Variants in PARD3B observed in about 807,000 individuals in gnomAD.
PARD3B encodes par-3 family cell polarity regulator beta.
A neutral mutation model predicts 130.2 loss-of-function variants in PARD3B; 103 were observed. The ratio of observed to expected loss-of-function variants is 0.79; its 90% CI spans 0.67 to 0.93. The LOEUF is 0.93. Among genes scored for constraint, PARD3B ranks in the 40% least tolerant of loss-of-function variants. PARD3B has a pLI of 0.00. For synonymous variants in PARD3B, 583 were observed against 553.2 expected (o/e 1.05, Z -0.76); for missense variants, 1,609 against 1,499.2 (o/e 1.07, Z -1.21).
At chr2:204,885,588 A>G (rs2046243903) in intron 2 of PARD3B, among the ~76,000 whole-genome samples, 1 of 152,248 alleles carries the variant, frequency 6.6e-6, no homozygotes, top group South Asian at 2.1e-4. Flanking sequence ...TATTTTAAAG[A>G]TAAGAAGATA....
At chr2:205,369,841 T>C (rs920547979) in intron 18 of PARD3B, among the ~76,000 whole-genome samples, 2 of 152,192 alleles carry the variant, frequency 1.3e-5, no homozygotes, top group South Asian at 2.1e-4. Context: ...AAGTAGAATG[T>C]TTTTGTTGAC....
At chr2:205,040,480 A>C (rs1279105810) in intron 3 of PARD3B, among the ~76,000 whole-genome samples, 7 of 152,136 alleles carry the variant, frequency 4.6e-5, no homozygotes, top group Non-Finnish European at 2.9e-5. Flanking sequence ...ATATTTTTTC[A>C]AACTCATTCA....
At chr2:205,150,998 C>T (rs1210220236) in intron 10 of PARD3B, among the ~76,000 whole-genome samples, 2 of 152,154 alleles carry the variant, frequency 1.3e-5, no homozygotes, top group Non-Finnish European at 1.5e-5. Flanking sequence ...TTTAAGTGTT[C>T]TCAACACACA....
chr2:204,793,250 A>G (rs911534438), intron 2 of PARD3B, among the ~76,000 whole-genome samples: 2 of 152,060 alleles, frequency 1.3e-5, no homozygotes, highest in Non-Finnish European at 2.9e-5. Flanking sequence ...TTAGAGGACT[A>G]TTTCCCAGTC....
rs190142238 is a variant in PARD3B at position 205,166,416 on chromosome 2, G to T, written c.1621-5795G>T. Among the ~76,000 whole-genome samples the T allele has an allele frequency of 7.5e-4, 114 of 152,252 alleles. 1 individual carries two copies. The highest frequency in any genetic ancestry group is 6.4e-3 in the Admixed American group (98 of 15,286). On this transcript the variant is annotated intron_variant, in intron 11 of 22. Coordinates refer to ENST00000406610, the MANE Select transcript of PARD3B (RefSeq NM_001302769.2). ...AAAGAATATGGGCAAAGTCACCAAG[G>T]TATGTACACCAAAGTACAGTCTGTT...
chr2:204,624,394 G>C (rs183749772), intron 1 of PARD3B, among the ~76,000 whole-genome samples: 3 of 152,066 alleles, frequency 2.0e-5, no homozygotes, highest in Non-Finnish European at 4.4e-5. Context: ...ACAGGCTACC[G>C]TGCAAAACAG....
At position 205,440,907 on chromosome 2, in the gene PARD3B, A is replaced by C. The variant is rs2047692637; in HGVS notation, c.3044+235A>C. Among the ~76,000 whole-genome samples, 1 of 152,226 alleles carries C rather than the reference A, an allele frequency of 6.6e-6. No homozygotes were observed. The highest frequency in any genetic ancestry group is 2.1e-4 in the South Asian group (1 of 4,832). ...GTAGTAGCAGAGTTCATGATGCAATAGGGAGCCATTTTTGAAGGAGTATTG... is the reference window on the plus strand; with the variant it reads ...GTAGTAGCAGAGTTCATGATGCAATCGGGAGCCATTTTTGAAGGAGTATTG... On this transcript the variant is annotated intron_variant, in intron 20 of 22. Coordinates refer to ENST00000406610, the MANE Select transcript of PARD3B (RefSeq NM_001302769.2). The surrounding 1 kb of genome is among the most constrained non-coding windows in gnomAD (Gnocchi z 4.2).
rs749391637 is a variant in PARD3B, at chr2:205,241,396, G to T, written c.2141-4382G>T. 1.2e-4 allele frequency among the ~76,000 whole-genome samples: 18 copies of T among 152,112 alleles called. No individual in the cohort carries two copies. Among genetic ancestry groups the T allele is most frequent in the Middle Eastern group, 3.4e-3 (1 of 294 alleles). ...TGGTACTCTCTAAGTATGTAATAAT[G>T]GTTATAATAAAATAACAGTTATAAA... On this transcript the variant is annotated intron_variant, in intron 15 of 22. Coordinates refer to ENST00000406610, the MANE Select transcript of PARD3B (RefSeq NM_001302769.2). The surrounding 1 kb of genome is among the most constrained non-coding windows in gnomAD (Gnocchi z 4.2).
rs565262613 is a variant in PARD3B at position 205,459,705 on chromosome 2, T to C, written c.3044+19033T>C. On this transcript the variant is annotated intron_variant, in intron 20 of 22. Transcript: ENST00000406610. ...CATTCCTGAAGGCTGCCTCTTCCCA[T>C]CAGTCTCCCTCTCAGAGACCTGTTG... Among the ~76,000 whole-genome samples, 16 of 152,288 alleles carry C rather than the reference T, an allele frequency of 1.1e-4. No individual in the cohort carries two copies. In the South Asian group the frequency reaches 3.3e-3, roughly 32 times the overall value.
At chr2:205,148,937 A>T (rs1349471105) in intron 10 of PARD3B, among the ~76,000 whole-genome samples, 1 of 152,160 alleles carries the variant, frequency 6.6e-6, no homozygotes, top group African/African-American at 2.4e-5. Context: ...TTCAGCATGG[A>T]TGCTTTCAGG....
At chr2:205,056,208 G>GT (rs529400247) in intron 4 of PARD3B, among the ~76,000 whole-genome samples, 4,583 of 146,234 alleles carry the variant, frequency 0.031, 118 homozygotes, top group African/African-American at 0.064. Context: ...GATAGGGGAC[G>GT]TTTTTTTTTT....
chr2:204,730,573 TA>T (rs780425998), intron 2 of PARD3B, among the ~76,000 whole-genome samples: 27 of 99,254 alleles, frequency 2.7e-4, no homozygotes, highest in Admixed American at 3.0e-4. Flanking sequence ...GATGCAGGGG[TA>T]AAAAAAAAAA....
rs144640287 is a variant in PARD3B, at chr2:204,745,707, C to G, written c.222+59425C>G. Among the ~76,000 whole-genome samples the G allele has an allele frequency of 2.0e-3, 298 of 152,094 alleles. 3 individuals carry two copies. The highest frequency in any genetic ancestry group is 6.9e-3 in the African/African-American group (288 of 41,520). On this transcript the variant is annotated intron_variant, in intron 2 of 22. Transcript: ENST00000406610. ...CATGAGCCACCATGCCTGGCCGATA[C>G]TACCATTTTCATTACACCCAGAAGG...
chr2:204,895,790 G>A (rs2046620306), intron 2 of PARD3B, among the ~76,000 whole-genome samples: 1 of 152,038 alleles, frequency 6.6e-6, no homozygotes, highest in Non-Finnish European at 1.5e-5. Flanking sequence ...TATAGGAACT[G>A]AAAGAGTATG....
chr2:205,532,970 A>T (rs2051669201), intron 21 of PARD3B, among the ~76,000 whole-genome samples: 1 of 152,188 alleles, frequency 6.6e-6, no homozygotes, highest in Admixed American at 6.6e-5. Flanking sequence ...TTTAGCAATC[A>T]GTGTGTGTGT....
At chr2:204,843,139 A>G (rs1024125876) in intron 2 of PARD3B, among the ~76,000 whole-genome samples, 4 of 152,006 alleles carry the variant, frequency 2.6e-5, no homozygotes, top group African/African-American at 7.3e-5. Context: ...ACCTCGGCCC[A>G]TACTTTGAGA....
At chr2:205,094,640 CA>C (rs1702299568) in intron 4 of PARD3B, among the ~76,000 whole-genome samples, 1 of 152,130 alleles carries the variant, frequency 6.6e-6, no homozygotes, top group African/African-American at 2.4e-5. Context: ...TTCTGCAGCA[CA>C]TTTTCATCCT....
intron 2 of PARD3B, among the ~76,000 whole-genome samples, chr2:204,779,016 G>T (rs1226015150): frequency 6.6e-6 from 1 of 152,074 alleles, no homozygotes; most frequent in Non-Finnish European, 1.5e-5. Context: ...TGTACATGGG[G>T]CTCTAGCAGT....
chr2:204,790,690 TC>T, intron 2 of PARD3B, among the ~76,000 whole-genome samples: 3 of 152,346 alleles, frequency 2.0e-5, no homozygotes, highest in Middle Eastern at 6.8e-3. Context: ...AATGAGTTTT[TC>T]CTAAAATCCT....
Sources: gnomAD v4.1 joint callset for allele counts (sites outside exome capture counted in the v4.1 genomes callset) on GRCh38, gnomAD v4.1.1 for gene constraint, Gnocchi (gnomAD v3.1) non-coding constraint, MANE v1.5 for transcripts, NCBI Gene and HGNC (gene_info 2026-07-23, HGNC 2026-07-21) for gene names.